The following SLC49A4 variants were observed in gnomAD, a reference collection of about 807,000 sequenced individuals.
SLC49A4 encodes disrupted in renal cancer protein 2.
SLC49A4 carries 36 observed loss-of-function variants against 50.6 expected under a neutral mutation model. The observed-to-expected ratio is 0.71, with a 90% CI of 0.55 to 0.94. The LOEUF (loss-of-function observed/expected upper bound fraction) is 0.94. Ranked by LOEUF, SLC49A4 falls within the 40% of genes least tolerant of loss-of-function variation. The probability of loss-of-function intolerance (pLI) is 0.00; values close to 1 mark genes in which losing one functional copy is unlikely to be tolerated. For missense variants in SLC49A4, 503 were observed against 605.7 expected (o/e 0.83, Z 1.78); for synonymous variants, 248 against 241.2 (o/e 1.03, Z -0.26).
intron 1 of SLC49A4, among the ~76,000 whole-genome samples, chr3:122,803,197 A>G (rs1384389606): frequency 6.6e-6 from 1 of 152,156 alleles, no homozygotes; most frequent in Admixed American, 6.5e-5. Flanking sequence ...AAAAGCATGG[A>G]GAGAAAAAAG....
chr3:122,795,481 G>T lies in SLC49A4; in HGVS notation c.289G>T (p.Gly97Trp). The stretch of plus-strand genomic sequence containing the variant: ...GGACATCGCGCTGCTCGTGCTGTGG[G>T]GGCCCATCGGCTTCCTGCCCTGCTT... ...SWDIALLVLW[G>W]PIGFLPCFAF... is the part of the protein sequence containing the mutation. Residue 97 changes from glycine (G) to tryptophan (W), a missense_variant, in exon 1 of 9, where the codon GGG (glycine) becomes TGG (tryptophan). By Grantham distance (184) the Gly-to-Trp change is radical. Coordinates refer to ENST00000261038, the MANE Select transcript of SLC49A4 (RefSeq NM_032839.3). The T allele has an allele frequency of 6.2e-7, 1 of 1,605,674 alleles. No individual in the cohort carries two copies. The highest frequency in any genetic ancestry group is 8.5e-7 in the Non-Finnish European group (1 of 1,179,020).
At chr3:122,796,149 G>T (rs1936035595) in intron 1 of SLC49A4, among the ~76,000 whole-genome samples, 1 of 152,206 alleles carries the variant, frequency 6.6e-6, no homozygotes, top group Non-Finnish European at 1.5e-5. Flanking sequence ...TGCTTGCTTA[G>T]AATGGTACCC....
intron 4 of SLC49A4, among the ~76,000 whole-genome samples, chr3:122,845,041 G>A (rs1936829354): frequency 6.6e-6 from 1 of 151,986 alleles, no homozygotes; most frequent in Non-Finnish European, 1.5e-5. Flanking sequence ...TGGGGGTTTG[G>A]TGTACAGATT....
chr3:122,857,034 A>G (rs1318506671), intron 6 of SLC49A4, among the ~76,000 whole-genome samples: 3 of 152,092 alleles, frequency 2.0e-5, no homozygotes, highest in Admixed American at 2.0e-4. Flanking sequence ...ATAGCTGTGG[A>G]GACTAAAAGG....
chr3:122,796,276 T>A (rs80257836), intron 1 of SLC49A4, among the ~76,000 whole-genome samples: 7,677 of 152,338 alleles, frequency 0.05, 267 homozygotes, highest in Middle Eastern at 0.11. Context: ...AGTGACAGTC[T>A]ACCCTCAAGA....
intron 4 of SLC49A4, among the ~76,000 whole-genome samples, chr3:122,837,224 A>C (rs1411436473): frequency 6.6e-6 from 1 of 152,220 alleles, no homozygotes; most frequent in African/African-American, 2.4e-5. Context: ...TAAAGTTCAT[A>C]TGGAACCAAA....
intron 2 of SLC49A4, among the ~76,000 whole-genome samples, chr3:122,822,207 C>T (rs1936463224): frequency 1.3e-5 from 2 of 152,068 alleles, no homozygotes; most frequent in African/African-American, 4.8e-5. Flanking sequence ...TATGAATCCC[C>T]CTCCTTCGTT....
chr3:122,860,354 T>C, intron 7 of SLC49A4, 152 bp downstream of exon 7: 1 of 630,244 alleles, frequency 1.6e-6, no homozygotes. Flanking sequence ...CATCATCTTA[T>C]CTAAAGAGTC....
At chr3:122,845,902 G>T in intron 5 of SLC49A4, 31 bp downstream of exon 5, 1 of 1,499,804 alleles carries the variant, frequency 6.7e-7, no homozygotes, top group Non-Finnish European at 9.1e-7. Flanking sequence ...TATGTTGTAG[G>T]TATTTTTGTT....
At chr3:122,853,302 G>T (rs140158679) in intron 5 of SLC49A4, among the ~76,000 whole-genome samples, 23 of 152,278 alleles carry the variant, frequency 1.5e-4, no homozygotes, top group Admixed American at 7.2e-4. Flanking sequence ...TAGGGATTAA[G>T]TTCCAACATG....
In SLC49A4 at chr3:122,801,030, G is replaced by A. The variant is rs77664635; in HGVS notation, c.343+5495G>A. On this transcript the variant is annotated intron_variant, in intron 1 of 8. Transcript: ENST00000261038. ...CCCTCCAGCCTGTTCTGCTGGGCAA[G>A]TACAGGCATGGGCAGAGTTGGCAGA... 7.5e-3 allele frequency among the ~76,000 whole-genome samples: 1,146 copies of A among 152,290 alleles called. 8 individuals carry two copies. The highest frequency in any genetic ancestry group is 0.018 in the South Asian group (89 of 4,828).
chr3:122,839,152 C>G (rs1241522308), intron 4 of SLC49A4, among the ~76,000 whole-genome samples: 1 of 152,030 alleles, frequency 6.6e-6, no homozygotes, highest in East Asian at 1.9e-4. Context: ...AAAGGACACC[C>G]TATTTAATAA....
At chr3:122,848,147 C>A (rs1425625867) in intron 5 of SLC49A4, among the ~76,000 whole-genome samples, 1 of 152,096 alleles carries the variant, frequency 6.6e-6, no homozygotes, top group Non-Finnish European at 1.5e-5. Flanking sequence ...GTCACATTTA[C>A]CTAGAATTTA....
chr3:122,829,480 C>A (rs1005269024), intron 3 of SLC49A4, among the ~76,000 whole-genome samples: 3 of 152,208 alleles, frequency 2.0e-5, no homozygotes, highest in African/African-American at 7.2e-5. Flanking sequence ...AGGCCTGGCA[C>A]AGTGGCTTGT....
At chr3:122,856,558 C>G (rs757744963) in intron 6 of SLC49A4, among the ~76,000 whole-genome samples, 184 bp downstream of exon 6, 3 of 152,124 alleles carry the variant, frequency 2.0e-5, no homozygotes, top group African/African-American at 7.2e-5. Context: ...GCTAACAGGC[C>G]GGGAATGGTG....
chr3:122,877,712 A>G (rs1937283228), intron 8 of SLC49A4, among the ~76,000 whole-genome samples: 3 of 152,208 alleles, frequency 2.0e-5, no homozygotes, highest in Non-Finnish European at 2.9e-5. Context: ...GCTATTGTCT[A>G]TATTTTACTA....
At chr3:122,814,693 A>G (rs988575247) in intron 2 of SLC49A4, among the ~76,000 whole-genome samples, 1 of 152,246 alleles carries the variant, frequency 6.6e-6, no homozygotes, top group Non-Finnish European at 1.5e-5. Flanking sequence ...TGTGGCATGC[A>G]TGCGGCCCAG....
intron 5 of SLC49A4, among the ~76,000 whole-genome samples, chr3:122,854,247 C>A (rs1936958555): frequency 6.6e-6 from 1 of 152,214 alleles, no homozygotes; most frequent in Non-Finnish European, 1.5e-5. Flanking sequence ...AGGATGTTAT[C>A]CTTCTCCTGA....
At chr3:122,828,106 C>A (rs1291575415) in intron 3 of SLC49A4, among the ~76,000 whole-genome samples, 12 of 152,174 alleles carry the variant, frequency 7.9e-5, no homozygotes, top group Non-Finnish European at 2.9e-5. Flanking sequence ...CCCAATTATA[C>A]TGAACCTTGT....
Sources: gnomAD v4.1 joint callset for allele counts (sites outside exome capture counted in the v4.1 genomes callset) on GRCh38, gnomAD v4.1.1 for gene constraint, MANE v1.5 for transcripts, NCBI Gene and HGNC (gene_info 2026-07-23, HGNC 2026-07-21) for gene names.